The following ARB2A variants were observed in gnomAD, a reference collection of about 807,000 sequenced individuals.
ARB2A encodes the protein cotranscriptional regulator ARB2A.
chr5:93,736,680 T>A, the ARB2A span: 8 of 152,176 alleles, frequency 5.3e-5, no homozygotes, highest in African/African-American at 1.9e-4. Flanking sequence ...GTTAGCATAA[T>A]CTTATGAAAT....
At chr5:94,043,322 G>A in the ARB2A span, among the ~76,000 whole-genome samples, 5 of 152,242 alleles carry the variant, frequency 3.3e-5, no homozygotes, top group African/African-American at 1.2e-4. Flanking sequence ...CTTTTCTTTT[G>A]AGCTATTTAC....
chr5:93,662,475 A>G, the ARB2A span, among the ~76,000 whole-genome samples: 1 of 152,218 alleles, frequency 6.6e-6, no homozygotes, highest in African/African-American at 2.4e-5. Context: ...GCGTTAAGAT[A>G]TATCTTAGGA....
chr5:93,855,863 GA>G, the ARB2A span, among the ~76,000 whole-genome samples: 34 of 151,828 alleles, frequency 2.2e-4, no homozygotes, highest in Non-Finnish European at 4.7e-4. Flanking sequence ...CAAAGATGGG[GA>G]AAAAACAGAG....
At chr5:93,666,886 G>A in the ARB2A span, among the ~76,000 whole-genome samples, 1 of 152,084 alleles carries the variant, frequency 6.6e-6, no homozygotes, top group South Asian at 2.1e-4. Flanking sequence ...CATAACAATA[G>A]ACCAAAATCA....
chr5:94,076,607 A>G, the ARB2A span, among the ~76,000 whole-genome samples: 2 of 152,250 alleles, frequency 1.3e-5, no homozygotes, highest in African/African-American at 4.8e-5. Flanking sequence ...AATATCTGCA[A>G]GGGATATATA....
chr5:93,644,103 C>T, the ARB2A span, among the ~76,000 whole-genome samples: 1 of 152,082 alleles, frequency 6.6e-6, no homozygotes, highest in African/African-American at 2.4e-5. Context: ...TTTTGTGGAC[C>T]CTTTATTCCT....
At chr5:93,744,412 G>A in the ARB2A span, among the ~76,000 whole-genome samples, 4 of 127,262 alleles carry the variant, frequency 3.1e-5, no homozygotes, top group African/African-American at 1.3e-4. Context: ...TGCAGCCTGG[G>A]CGACAGAGTG....
the ARB2A span, among the ~76,000 whole-genome samples, chr5:93,951,370 C>T: frequency 2.6e-5 from 4 of 152,062 alleles, no homozygotes; most frequent in Non-Finnish European, 5.9e-5. Flanking sequence ...TGGTTGCCTG[C>T]GCTTATGGGG....
At chr5:93,620,256 CAG>C in the ARB2A span, 4 of 152,160 alleles carry the variant, frequency 2.6e-5, no homozygotes, top group South Asian at 2.1e-4. Context: ...CTTCTGAAAT[CAG>C]AGACTTGTGT....
chr5:93,930,499 A>C, the ARB2A span, among the ~76,000 whole-genome samples: 2 of 152,204 alleles, frequency 1.3e-5, no homozygotes, highest in Non-Finnish European at 2.9e-5. Flanking sequence ...CTCTTACAGA[A>C]ATCATATTGA....
the ARB2A span, among the ~76,000 whole-genome samples, chr5:93,918,806 A>G: frequency 2.6e-5 from 4 of 151,986 alleles, no homozygotes. Flanking sequence ...TTCTTTCCCA[A>G]TTTCTCTGAC....
the ARB2A span, among the ~76,000 whole-genome samples, chr5:94,070,336 G>A: frequency 6.6e-6 from 1 of 151,926 alleles, no homozygotes; most frequent in African/African-American, 2.4e-5. Flanking sequence ...TGTGGGTGAT[G>A]GTGCACAGAA....
At chr5:93,817,960 G>C in the ARB2A span, among the ~76,000 whole-genome samples, 1 of 151,954 alleles carries the variant, frequency 6.6e-6, no homozygotes, top group Non-Finnish European at 1.5e-5. Context: ...TAAGAGATTT[G>C]TACCAATATA....
the ARB2A span, among the ~76,000 whole-genome samples, chr5:93,883,106 C>G: frequency 2.0e-5 from 3 of 151,364 alleles, no homozygotes; most frequent in Non-Finnish European, 3.0e-5. Flanking sequence ...TTACAAACTT[C>G]TTTGGAATTG....
chr5:93,690,680 T>C, the ARB2A span, among the ~76,000 whole-genome samples: 9 of 152,134 alleles, frequency 5.9e-5, no homozygotes, highest in African/African-American at 2.2e-4. Flanking sequence ...GCAGCAGATC[T>C]CCCAGCACAG....
the ARB2A span, among the ~76,000 whole-genome samples, chr5:94,070,942 A>G: frequency 6.6e-6 from 1 of 152,122 alleles, no homozygotes; most frequent in Admixed American, 6.5e-5. Flanking sequence ...CATTATTGGT[A>G]GTAGTGAAAA....
the ARB2A span, among the ~76,000 whole-genome samples, chr5:93,676,610 T>C: frequency 2.0e-5 from 3 of 152,188 alleles, no homozygotes; most frequent in Admixed American, 6.5e-5. Context: ...ACAAATACCA[T>C]AGCGGGGCGA....
the ARB2A span, among the ~76,000 whole-genome samples, chr5:93,972,422 A>G: frequency 6.6e-6 from 1 of 152,128 alleles, no homozygotes; most frequent in Non-Finnish European, 1.5e-5. Flanking sequence ...CCACAAGGGA[A>G]AAAAGAATAA....
the ARB2A span, among the ~76,000 whole-genome samples, chr5:93,699,452 C>A: frequency 6.6e-6 from 1 of 152,114 alleles, no homozygotes; most frequent in Non-Finnish European, 1.5e-5. Context: ...GAACTTCTGA[C>A]ACTGGTATTC....
Sources: allele counts gnomAD v4.1 joint callset (sites outside exome capture counted in the v4.1 genomes callset), GRCh38; gene constraint gnomAD v4.1.1; transcripts MANE v1.5; gene names NCBI Gene and HGNC (gene_info 2026-07-23, HGNC 2026-07-21).